HMGA2: variants seen among roughly 807,000 people sequenced by gnomAD.
The protein encoded by HMGA2 is high mobility group AT-hook 2, also known as high mobility group protein HMGI-C.
HMGA2 carries 8 observed loss-of-function variants against 19.1 expected under a neutral mutation model. That is an observed-to-expected ratio of 0.42 (90% CI 0.25 to 0.76). HMGA2 has a LOEUF of 0.76. HMGA2 is among the 30% of genes least tolerant of loss of function. The pLI, the probability that HMGA2 is intolerant of heterozygous loss-of-function variation, is 0.28. For synonymous variants in HMGA2, 60 were observed against 48.8 expected (o/e 1.23, Z -0.96); for missense variants, 109 against 136.3 (o/e 0.80, Z 1.00).
chr12:65,840,329 G>T (rs577538240), intron 3 of HMGA2, among the ~76,000 whole-genome samples: 18 of 152,320 alleles, frequency 1.2e-4, no homozygotes, highest in East Asian at 1.2e-3. Context: ...CATGATGTCT[G>T]GGGCCTCCAC....
chr12:65,903,629 A>AT (rs370374228), intron 3 of HMGA2, among the ~76,000 whole-genome samples: 2,323 of 151,402 alleles, frequency 0.015, 67 homozygotes, highest in African/African-American at 0.053. Context: ...CACAGTGAGT[A>AT]TTTTTTTTTA....
chr12:65,866,407 G>C (rs1872414142), intron 3 of HMGA2, among the ~76,000 whole-genome samples: 1 of 152,200 alleles, frequency 6.6e-6, no homozygotes, highest in African/African-American at 2.4e-5. Context: ...CAGAGAGTCT[G>C]GGTGGACTTG....
At chr12:65,887,737 T>A (rs1425012202) in intron 3 of HMGA2, among the ~76,000 whole-genome samples, 2 of 152,110 alleles carry the variant, frequency 1.3e-5, no homozygotes, top group African/African-American at 4.8e-5. Context: ...TGTAAAATTT[T>A]AAAAATCTTA....
intron 3 of HMGA2, among the ~76,000 whole-genome samples, chr12:65,861,635 A>AAC (rs970727431): frequency 2.3e-4 from 35 of 151,208 alleles, no homozygotes; most frequent in African/African-American, 7.7e-4. Context: ...AAAAAAAAAA[A>AAC]AAAAAACCTA....
intron 2 of HMGA2, among the ~76,000 whole-genome samples, chr12:65,830,052 G>A (rs1180845209): frequency 6.6e-6 from 1 of 151,806 alleles, no homozygotes; most frequent in Non-Finnish European, 1.5e-5. Context: ...CATTCTTTCA[G>A]ACACAATTAT....
At chr12:65,926,249 A>T (rs1295575993) in intron 3 of HMGA2, among the ~76,000 whole-genome samples, 1 of 152,238 alleles carries the variant, frequency 6.6e-6, no homozygotes, top group Non-Finnish European at 1.5e-5. Flanking sequence ...TTGAGCATTC[A>T]ATCAGCTTCA....
intron 3 of HMGA2, chr12:65,914,590 A>G (rs1748477043): frequency 4.1e-6 from 1 of 245,444 alleles, no homozygotes; most frequent in South Asian, 6.1e-5. Flanking sequence ...ACATGTATAC[A>G]TATGTAACTA....
intron 3 of HMGA2, among the ~76,000 whole-genome samples, chr12:65,887,431 A>T (rs1004467670): frequency 2.6e-5 from 4 of 152,166 alleles, no homozygotes; most frequent in Non-Finnish European, 4.4e-5. Flanking sequence ...TACTAAAAAT[A>T]TGAAAATTAG....
At chr12:65,838,082 C>A (rs1259741171) in intron 2 of HMGA2, among the ~76,000 whole-genome samples, 1 of 151,984 alleles carries the variant, frequency 6.6e-6, no homozygotes. Flanking sequence ...AGTAATATGT[C>A]AATATTAATT....
chr12:65,913,737 C>T (rs968662816), intron 3 of HMGA2, among the ~76,000 whole-genome samples: 16 of 152,168 alleles, frequency 1.1e-4, no homozygotes, highest in African/African-American at 3.6e-4. Context: ...CTTCTCTGAA[C>T]GTAAGTTCCC....
intron 2 of HMGA2, among the ~76,000 whole-genome samples, chr12:65,835,777 G>T (rs534692317): frequency 6.6e-6 from 1 of 152,010 alleles, no homozygotes; most frequent in Non-Finnish European, 1.5e-5. Flanking sequence ...CATAACAACC[G>T]TGCAGAAAAA....
chr12:65,961,043 T>C (rs970548397), intron 4 of HMGA2, among the ~76,000 whole-genome samples: 3 of 152,222 alleles, frequency 2.0e-5, no homozygotes, highest in African/African-American at 4.8e-5. Context: ...CCGGATAGTA[T>C]AGAAAAATCA....
intron 3 of HMGA2, among the ~76,000 whole-genome samples, chr12:65,908,282 T>C (rs1353347565): frequency 6.6e-6 from 1 of 152,124 alleles, no homozygotes; most frequent in Non-Finnish European, 1.5e-5. Flanking sequence ...TGGGAACAGG[T>C]ACGGGGAACT....
At chr12:65,881,490 G>T (rs574939795) in intron 3 of HMGA2, 4 of 553,868 alleles carry the variant, frequency 7.2e-6, no homozygotes, top group African/African-American at 5.6e-5. Flanking sequence ...AAGCAATCTT[G>T]CTTAATAGTA....
intron 3 of HMGA2, among the ~76,000 whole-genome samples, chr12:65,840,042 T>G (rs1870927599): frequency 6.6e-6 from 1 of 152,240 alleles, no homozygotes; most frequent in Non-Finnish European, 1.5e-5. Flanking sequence ...TTTCTCATTT[T>G]TTCCCCATAA....
intron 4 of HMGA2, 26 bp from the exon 5 acceptor site, chr12:65,963,219 A>G: frequency 1.2e-6 from 2 of 1,612,060 alleles, no homozygotes; most frequent in Non-Finnish European, 1.7e-6. Flanking sequence ...ATTGAGCGTC[A>G]TGGCTGTGCC....
chr12:65,891,394 ATG>A (rs1873904999), intron 3 of HMGA2, among the ~76,000 whole-genome samples: 1 of 152,176 alleles, frequency 6.6e-6, no homozygotes, highest in African/African-American at 2.4e-5. Flanking sequence ...GTGATTCATG[ATG>A]TTGAACTACA....
intron 3 of HMGA2, among the ~76,000 whole-genome samples, chr12:65,936,365 A>C (rs1875894771): frequency 6.6e-6 from 1 of 152,138 alleles, no homozygotes; most frequent in Non-Finnish European, 1.5e-5. Context: ...GCGTCACACA[A>C]TACAAAGGAA....
intron 3 of HMGA2, among the ~76,000 whole-genome samples, chr12:65,893,363 A>G (rs1023406763): frequency 6.6e-6 from 1 of 152,242 alleles, no homozygotes; most frequent in African/African-American, 2.4e-5. Flanking sequence ...CCAAATGGAT[A>G]CATGCGAAAA....
Sources: gnomAD v4.1 joint callset for allele counts (sites outside exome capture counted in the v4.1 genomes callset) on GRCh38, gnomAD v4.1.1 for gene constraint, MANE v1.5 for transcripts, NCBI Gene and HGNC (gene_info 2026-07-23, HGNC 2026-07-21) for gene names.